Variants in FRMD4A observed in about 807,000 individuals in gnomAD.
FRMD4A encodes FERM domain-containing protein 4A.
Under a neutral mutation model 129.1 loss-of-function variants are expected in FRMD4A, and 29 were observed. The observed-to-expected ratio is 0.22, with a 90% CI of 0.17 to 0.31. FRMD4A has a LOEUF of 0.31. Among genes scored for constraint, FRMD4A ranks in the 10% least tolerant of loss-of-function variants. FRMD4A has a pLI of 1.00. For synonymous variants in FRMD4A, 634 were observed against 571.6 expected (o/e 1.11, Z -1.56); for missense variants, 1,272 against 1,375.8 (o/e 0.92, Z 1.19).
intron 2 of FRMD4A, among the ~76,000 whole-genome samples, chr10:14,263,636 G>A (rs1844880203): frequency 6.6e-6 from 1 of 152,162 alleles, no homozygotes; most frequent in South Asian, 2.1e-4. Context: ...TAATAGAGGT[G>A]AAGCCATCAA....
chr10:14,112,267 A>C (rs575633950), intron 2 of FRMD4A, among the ~76,000 whole-genome samples: 2 of 152,032 alleles, frequency 1.3e-5, no homozygotes, highest in Non-Finnish European at 2.9e-5. Flanking sequence ...AGTAATTAGG[A>C]GCTGTGTAGA....
At chr10:13,930,374 C>T (rs567976669) in intron 2 of FRMD4A, among the ~76,000 whole-genome samples, 7 of 152,188 alleles carry the variant, frequency 4.6e-5, no homozygotes, top group African/African-American at 1.4e-4. Context: ...CTGGCTTCTC[C>T]GTTAAGCGTC....
At chr10:13,969,841 T>C (rs549897518) in intron 2 of FRMD4A, among the ~76,000 whole-genome samples, 3 of 152,250 alleles carry the variant, frequency 2.0e-5, no homozygotes, top group African/African-American at 7.2e-5. Context: ...AGCAATAACC[T>C]GTTCCCTCCC....
At chr10:14,174,077 C>T (rs890817763) in intron 2 of FRMD4A, among the ~76,000 whole-genome samples, 2 of 152,088 alleles carry the variant, frequency 1.3e-5, no homozygotes, top group Non-Finnish European at 2.9e-5. Flanking sequence ...TTTCTGTCTC[C>T]TGCAAGTTAC....
intron 2 of FRMD4A, among the ~76,000 whole-genome samples, chr10:13,904,624 T>C (rs2094859638): frequency 6.6e-6 from 1 of 152,268 alleles, no homozygotes; most frequent in Non-Finnish European, 1.5e-5. Context: ...AATTTCACTT[T>C]ATCACTTTCT....
intron 18 of FRMD4A, among the ~76,000 whole-genome samples, chr10:13,664,382 G>C (rs1589261903): frequency 6.6e-6 from 1 of 152,270 alleles, no homozygotes; most frequent in East Asian, 1.9e-4. Context: ...TTGGCTGAGG[G>C]AGCTTTACTA....
At chr10:13,850,094 A>G (rs1589021085) in intron 3 of FRMD4A, among the ~76,000 whole-genome samples, 2 of 152,052 alleles carry the variant, frequency 1.3e-5, no homozygotes, top group South Asian at 4.2e-4. Context: ...ACTTGAACCC[A>G]GGAGGCTGAG....
At position 13,806,046 on chromosome 10, in the gene FRMD4A, C is replaced by T. The variant is rs975856628; in HGVS notation, c.206+4768G>A. Among the ~76,000 whole-genome samples, 6 of 151,970 alleles carry T rather than the reference C, an allele frequency of 3.9e-5. No individual in the cohort carries two copies. In the South Asian group the frequency reaches 6.2e-4, roughly 16 times the overall value. On this transcript the variant is annotated intron_variant, in intron 4 of 24. Coordinates refer to ENST00000357447, the MANE Select transcript of FRMD4A (RefSeq NM_018027.5). ...TTAATTTCTGTATTTTTAGTGGAGA[C>T]GGGGTTTTGCCATGTTGCCAGGGTG...
chr10:14,290,158 A>G (rs1270552324), intron 2 of FRMD4A, among the ~76,000 whole-genome samples: 2 of 152,100 alleles, frequency 1.3e-5, no homozygotes, highest in Admixed American at 6.6e-5. Flanking sequence ...TGTCCATAAA[A>G]GCCACCTATA....
At chr10:14,027,128 T>C (rs11258810) in intron 2 of FRMD4A, among the ~76,000 whole-genome samples, 2,812 of 152,332 alleles carry the variant, frequency 0.018, 76 homozygotes, top group East Asian at 0.084. Context: ...TCCTTATGAA[T>C]TAAATTTGGA....
intron 2 of FRMD4A, among the ~76,000 whole-genome samples, chr10:13,892,131 G>A (rs1203874069): frequency 6.6e-6 from 1 of 151,728 alleles, no homozygotes; most frequent in Admixed American, 6.6e-5. Flanking sequence ...CGCTCCCGGT[G>A]AGGCTGCGCG....
intron 2 of FRMD4A, among the ~76,000 whole-genome samples, chr10:14,185,652 G>A (rs982739449): frequency 2.0e-5 from 3 of 152,186 alleles, no homozygotes; most frequent in Admixed American, 6.5e-5. Flanking sequence ...TGCAGGGGCG[G>A]TTGTTAGCTG....
chr10:14,298,551 A>C (rs1846083802), intron 2 of FRMD4A, among the ~76,000 whole-genome samples: 1 of 152,202 alleles, frequency 6.6e-6, no homozygotes, highest in Non-Finnish European at 1.5e-5. Context: ...TTTCTAGAGA[A>C]GCTACGAGTG....
chr10:14,271,265 A>G (rs182930469), intron 2 of FRMD4A, among the ~76,000 whole-genome samples: 1 of 152,348 alleles, frequency 6.6e-6, no homozygotes, highest in East Asian at 1.9e-4. Context: ...ACATCACTAT[A>G]CATACATTTT....
At chr10:13,861,798 A>G (rs2094298633) in intron 2 of FRMD4A, among the ~76,000 whole-genome samples, 2 of 152,204 alleles carry the variant, frequency 1.3e-5, no homozygotes, top group Admixed American at 1.3e-4. Context: ...TTAATTTTTA[A>G]AAATCCATCA....
intron 2 of FRMD4A, among the ~76,000 whole-genome samples, chr10:13,956,880 G>T (rs145721626): frequency 4.8e-4 from 73 of 152,280 alleles, no homozygotes; most frequent in Non-Finnish European, 9.3e-4. Flanking sequence ...TCCTGGGAAG[G>T]GGGAAAGTGT....
At chr10:14,255,046 A>G (rs1211840916) in intron 2 of FRMD4A, among the ~76,000 whole-genome samples, 3 of 152,204 alleles carry the variant, frequency 2.0e-5, no homozygotes, top group Non-Finnish European at 4.4e-5. Flanking sequence ...TTCCACTGAA[A>G]TGCCTGTGGA....
intron 5 of FRMD4A, among the ~76,000 whole-genome samples, chr10:13,787,455 A>T (rs539910983): frequency 6.6e-5 from 10 of 151,230 alleles, no homozygotes; most frequent in South Asian, 2.1e-4. Flanking sequence ...CAAAGTCAAA[A>T]TTTTTTTTTC....
chr10:13,782,711 G>T (rs2092767720), intron 6 of FRMD4A, among the ~76,000 whole-genome samples: 1 of 152,114 alleles, frequency 6.6e-6, no homozygotes, highest in Non-Finnish European at 1.5e-5. Flanking sequence ...CAAAGTGTTG[G>T]GATTACAGGC....
Sources: gnomAD v4.1 joint callset for allele counts (sites outside exome capture counted in the v4.1 genomes callset) on GRCh38, gnomAD v4.1.1 for gene constraint, MANE v1.5 for transcripts, NCBI Gene and HGNC (gene_info 2026-07-23, HGNC 2026-07-21) for gene names.